The following SERPIND1 variants were observed in gnomAD, a reference collection of about 807,000 sequenced individuals.
SERPIND1 encodes heparin cofactor 2.
A neutral mutation model predicts 35.0 loss-of-function variants in SERPIND1; 34 were observed. That is an observed-to-expected ratio of 0.97 (90% confidence interval 0.74 to 1.29). The LOEUF (loss-of-function observed/expected upper bound fraction) is 1.29. Ranked by LOEUF, SERPIND1 falls within the 50% of genes most tolerant of loss-of-function variation. The probability of loss-of-function intolerance (pLI) is 0.00; values close to 1 mark genes in which losing one functional copy is unlikely to be tolerated. For synonymous variants in SERPIND1, 236 were observed against 241.1 expected (o/e 0.98, Z 0.19); for missense variants, 633 against 637.7 (o/e 0.99, Z 0.08).
intron 2 of SERPIND1, 28 bp from the exon 3 acceptor site, chr22:20,783,944 T>A (rs1412545954): frequency 6.2e-7 from 1 of 1,614,014 alleles, no homozygotes; most frequent in Non-Finnish European, 8.5e-7. Flanking sequence ...AACCTTCTCA[T>A]AACAGCCTCT....
At chr22:20,776,636 C>T (rs1311794217) in intron 1 of SERPIND1, among the ~76,000 whole-genome samples, 1 of 152,196 alleles carries the variant, frequency 6.6e-6, no homozygotes, top group Non-Finnish European at 1.5e-5. Flanking sequence ...CATCCTGGTA[C>T]TCCAGAGCGA....
At chr22:20,775,230 A>C (rs1933174302) in intron 1 of SERPIND1, among the ~76,000 whole-genome samples, 2 of 152,064 alleles carry the variant, frequency 1.3e-5, no homozygotes, top group South Asian at 2.1e-4. Context: ...TGAATGATTT[A>C]TCTTTAAAAT....
At chr22:20,786,246 T>A in intron 4 of SERPIND1, 98 bp downstream of exon 4, 2 of 1,350,302 alleles carry the variant, frequency 1.5e-6, no homozygotes, top group Non-Finnish European at 2.1e-6. Flanking sequence ...CAATCTCATG[T>A]CCCAGCTTGG....
intron 2 of SERPIND1, among the ~76,000 whole-genome samples, chr22:20,782,425 C>A (rs996277581): frequency 1.3e-5 from 2 of 152,210 alleles, no homozygotes; most frequent in Non-Finnish European, 2.9e-5. Context: ...CCCAATCATT[C>A]ATGGATGCTT....
intron 3 of SERPIND1, among the ~76,000 whole-genome samples, chr22:20,785,598 A>G (rs964612290): frequency 2.0e-5 from 3 of 152,226 alleles, no homozygotes; most frequent in Admixed American, 1.3e-4. Flanking sequence ...TAGTATATAC[A>G]GGAAAGGTTC....
At position 20,787,123 on chromosome 22, in the gene SERPIND1, C is replaced by A; in HGVS notation, c.*57C>A. On this transcript the variant is annotated 3_prime_UTR_variant, in exon 5 of 5. Coordinates refer to ENST00000215727, the MANE Select transcript of SERPIND1 (RefSeq NM_000185.4). The stretch of plus-strand genomic sequence containing the variant: ...GGGGCACCCTCATTTTGTTTCCATT[C>A]CAACAACGAGAACAGAGATGTTCTG... 6.9e-7 allele frequency: 1 copy of A among 1,451,810 alleles called. No homozygotes were observed. The highest frequency in any genetic ancestry group is 9.7e-7 in the Non-Finnish European group (1 of 1,033,926). The allele number at this position is 1,451,810 out of a possible 1,614,324, so 89.9% of individuals were successfully genotyped here.
chr22:20,786,208 C>A (rs1934210942), intron 4 of SERPIND1, 60 bp downstream of exon 4: 6 of 1,581,230 alleles, frequency 3.8e-6, no homozygotes, highest in Non-Finnish European at 5.2e-6. Context: ...CACAGCCCCA[C>A]CTCCACTTGC....
intron 1 of SERPIND1, among the ~76,000 whole-genome samples, chr22:20,777,128 C>T (rs1018656762): frequency 6.6e-6 from 1 of 151,950 alleles, no homozygotes; most frequent in Non-Finnish European, 1.5e-5. Context: ...TCACGGCTCA[C>T]TGCAGACTCA....
intron 1 of SERPIND1, among the ~76,000 whole-genome samples, chr22:20,777,238 C>CG (rs1281814526): frequency 6.7e-6 from 1 of 148,356 alleles, no homozygotes; most frequent in Non-Finnish European, 1.5e-5. Flanking sequence ...TTTTTTGAGA[C>CG]GGAGTTTCGC....
rs1601497547 is a variant in SERPIND1, at chr22:20,786,956, T to A, written c.1390T>A (p.Ser464Thr). ...TVTTVGFMPL[S>T]TQVRFTVDRP... is the part of the protein sequence containing the mutation. ...GACCACGGTGGGGTTCATGCCGCTG[T>A]CCACCCAAGTCCGCTTCACTGTCGA... The change falls in exon 5 of 5, where the codon TCC becomes ACC. Residue 464 changes from serine (S) to threonine (T), a missense_variant. Physicochemically the swap from Ser to Thr is moderately conservative, Grantham distance 58 (BLOSUM62 1). Transcript: ENST00000215727. 2 of 1,614,144 alleles carry A rather than the reference T, an allele frequency of 1.2e-6. No homozygotes were observed. The highest frequency in any genetic ancestry group is 4.5e-5 in the East Asian group (2 of 44,872).
chr22:20,778,065 G>C (rs2090832085), intron 1 of SERPIND1, among the ~76,000 whole-genome samples: 1 of 152,196 alleles, frequency 6.6e-6, no homozygotes, highest in African/African-American at 2.4e-5. Context: ...CCTGACAGCA[G>C]TGGGAGCTAT....
intron 3 of SERPIND1, among the ~76,000 whole-genome samples, chr22:20,784,539 T>C (rs577248202): frequency 2.0e-5 from 3 of 152,222 alleles, no homozygotes; most frequent in Admixed American, 1.3e-4. Context: ...AGCTTCATCA[T>C]CCCTAAAATG....
intron 3 of SERPIND1, among the ~76,000 whole-genome samples, chr22:20,785,548 G>A (rs1487416626): frequency 6.6e-6 from 1 of 152,184 alleles, no homozygotes; most frequent in African/African-American, 2.4e-5. Flanking sequence ...CTTAGGGATT[G>A]AGTAAGTTGA....
chr22:20,779,701 A>C lies in SERPIND1; in HGVS notation c.389A>C (p.Asn130Thr). Residue 130 changes from asparagine (N) to threonine (T), a missense_variant, in exon 2 of 5, where the codon AAC becomes ACC. Transcript: ENST00000215727. ...CGGATCCAGCGTCTTAACATCCTCA[A>C]CGCCAAGTTCGCTTTCAACCTCTAC... ...KSRIQRLNIL[N>T]AKFAFNLYRV... 6.2e-7 allele frequency: 1 copy of C among 1,614,226 alleles called. No homozygotes were observed. The highest frequency in any genetic ancestry group is 2.2e-5 in the East Asian group (1 of 44,890).
In SERPIND1 at chr22:20,784,374, C is replaced by G. The variant is rs994502773; in HGVS notation, c.1163+129C>G. The stretch of plus-strand genomic sequence containing the variant: ...AGTACCCAAGAACTTCCATACAGGG[C>G]CACTCTGTTAATTCAGCCCCAATTT... On this transcript the variant is annotated intron_variant, in intron 3 of 4. Coordinates refer to ENST00000215727, the MANE Select transcript of SERPIND1 (RefSeq NM_000185.4). 12 of 1,253,800 alleles carry G rather than the reference C, an allele frequency of 9.6e-6. No individual in the cohort carries two copies. In the African/African-American group the frequency reaches 1.3e-4, roughly 14 times the overall value. 77.7% of individuals were successfully genotyped at this position (1,253,800 alleles called of 1,614,324 possible).
chr22:20,783,258 CTT>C (rs1252500720), intron 2 of SERPIND1, among the ~76,000 whole-genome samples: 1 of 152,106 alleles, frequency 6.6e-6, no homozygotes, highest in African/African-American at 2.4e-5. Context: ...ACCCAAATGT[CTT>C]GTTAGTCACT....
intron 3 of SERPIND1, among the ~76,000 whole-genome samples, chr22:20,784,755 TA>T (rs1934073088): frequency 6.6e-6 from 1 of 152,212 alleles, no homozygotes; most frequent in Non-Finnish European, 1.5e-5. Flanking sequence ...ACTTTGTAGT[TA>T]AAACTGCAGG....
rs759953828 is a variant in SERPIND1, at chr22:20,786,855, C to T, written c.1309-20C>T. 2 of 1,613,920 alleles carry T rather than the reference C, an allele frequency of 1.2e-6. No homozygotes were observed. Among genetic ancestry groups the T allele is most frequent in the Non-Finnish European group, 1.7e-6 (2 of 1,179,800 alleles). ...CTGTGTGCTGACCTCCAGAATCTGA[C>T]AACTTTCCTTTCCAAACAGTTCAAG... is the stretch of plus-strand genomic sequence containing the variant. On this transcript the variant is annotated intron_variant, in intron 4 of 4. Coordinates refer to ENST00000215727, the MANE Select transcript of SERPIND1 (RefSeq NM_000185.4).
Position 20,787,180 on chromosome 22 carries a change from G to T in SERPIND1, c.*114G>T. The stretch of plus-strand genomic sequence containing the variant: ...TTTACGTAGTTTACGCTACCAATCT[G>T]AATTCGAGGCCCATATGAGAGGAGC... On this transcript the variant is annotated 3_prime_UTR_variant, in exon 5 of 5. Coordinates refer to ENST00000215727, the MANE Select transcript of SERPIND1 (RefSeq NM_000185.4). The T allele has an allele frequency of 1.0e-6, 1 of 966,938 alleles. No individual in the cohort carries two copies. 59.9% of individuals were successfully genotyped at this position (966,938 alleles called of 1,614,324 possible).
Sources: gnomAD v4.1 joint callset for allele counts (sites outside exome capture counted in the v4.1 genomes callset) on GRCh38, gnomAD v4.1.1 for gene constraint, MANE v1.5 for transcripts, NCBI Gene and HGNC (gene_info 2026-07-23, HGNC 2026-07-21) for gene names.